Variants in ESD observed in about 807,000 individuals in gnomAD.
ESD encodes esterase D.
Under a neutral mutation model 38.1 loss-of-function variants are expected in ESD, and 34 were observed. The observed-to-expected ratio is 0.89, with a 90% CI of 0.68 to 1.19. ESD has a LOEUF of 1.19. ESD is among the 50% of genes most tolerant of loss of function. The pLI is 0.00. For missense variants in ESD, 334 were observed against 327.2 expected, an observed-to-expected ratio of 1.02 and a Z score of -0.16; for synonymous variants, 97 against 107.0, an observed-to-expected ratio of 0.91 and a Z score of 0.58.
chr13:46,788,840 A>C (rs1875290566), intron 3 of ESD, among the ~76,000 whole-genome samples: 1 of 152,040 alleles, frequency 6.6e-6, no homozygotes, highest in South Asian at 2.1e-4. Flanking sequence ...AAACTCCCCC[A>C]ACCCTGATTG....
intron 9 of ESD, among the ~76,000 whole-genome samples, chr13:46,772,431 C>T (rs1283524886): frequency 2.0e-5 from 3 of 152,132 alleles, no homozygotes; most frequent in Non-Finnish European, 4.4e-5. Flanking sequence ...CATTTTCCTT[C>T]TTTTTTTGTT....
chr13:46,792,982 C>T (rs1593412175), intron 2 of ESD, among the ~76,000 whole-genome samples: 1 of 152,020 alleles, frequency 6.6e-6, no homozygotes, highest in Non-Finnish European at 1.5e-5. Flanking sequence ...GAGTCTGTAT[C>T]TTTGCTATTC....
At chr13:46,776,060 C>A (rs959250985) in intron 9 of ESD, 12 of 176,552 alleles carry the variant, frequency 6.8e-5, no homozygotes, top group Admixed American at 2.3e-4. Context: ...TTGGAAAAAA[C>A]ATGGTTTGGT....
chr13:46,785,224 A>T (rs1219786151), intron 4 of ESD, among the ~76,000 whole-genome samples: 1 of 152,006 alleles, frequency 6.6e-6, no homozygotes, highest in Non-Finnish European at 1.5e-5. Flanking sequence ...TAATTCTTTT[A>T]CTATAGGTAT....
chr13:46,791,578 C>T (rs1438598714), intron 2 of ESD, among the ~76,000 whole-genome samples, 158 bp from the exon 3 acceptor site: 2 of 151,766 alleles, frequency 1.3e-5, no homozygotes, highest in Non-Finnish European at 1.5e-5. Context: ...TATTAAGAAA[C>T]TGATTAACGC....
chr13:46,787,891 T>C (rs1384839488), intron 3 of ESD, among the ~76,000 whole-genome samples: 1 of 151,978 alleles, frequency 6.6e-6, no homozygotes, highest in Non-Finnish European at 1.5e-5. Context: ...TTGATTTTTC[T>C]GGTATTTATG....
rs115265151 is a variant in ESD, at chr13:46,795,414, C to T, written c.-56+1691G>A. 2.6e-3 allele frequency among the ~76,000 whole-genome samples: 402 copies of T among 152,278 alleles called. 4 individuals are homozygous for T. The highest frequency in any genetic ancestry group is 9.1e-3 in the African/African-American group (379 of 41,550). ...ACATACATAATATTTACTATCTTAA[C>T]CATTCCTAAGTGTGTATTTCAGTAG... On this transcript the variant is annotated intron_variant, in intron 1 of 9. Transcript: ENST00000378720.
intron 1 of ESD, 124 bp downstream of exon 1, chr13:46,796,981 C>A (rs543393515): frequency 6.6e-6 from 1 of 152,422 alleles, no homozygotes; most frequent in Non-Finnish European, 1.5e-5. Flanking sequence ...GGGTCGCCGT[C>A]TCTGCGCTCG....
At chr13:46,785,317 G>T (rs1192381580) in intron 4 of ESD, among the ~76,000 whole-genome samples, 2 of 151,860 alleles carry the variant, frequency 1.3e-5, no homozygotes, top group African/African-American at 2.4e-5. Flanking sequence ...AGAGAGATTT[G>T]GTTTGTTTAT....
intron 9 of ESD, chr13:46,776,839 AT>A (rs1288727215): frequency 6.6e-6 from 1 of 152,000 alleles, no homozygotes; most frequent in African/African-American, 2.4e-5. Context: ...AAGCTTATGA[AT>A]TTTTCTTAAA....
chr13:46,773,943 G>T (rs1431681152), intron 9 of ESD, among the ~76,000 whole-genome samples: 1 of 152,112 alleles, frequency 6.6e-6, no homozygotes, highest in East Asian at 1.9e-4. Context: ...AACAGGCCTG[G>T]AGTTTTAGGC....
Position 46,782,741 on chromosome 13 carries a change from C to G in ESD, c.307G>C (p.Ala103Pro). 1 of 1,612,400 alleles carries G rather than the reference C, an allele frequency of 6.2e-7. No homozygotes were observed. The highest frequency in any genetic ancestry group is 8.5e-7 in the Non-Finnish European group (1 of 1,178,878). Residue 103 changes from alanine to proline, a missense_variant, in exon 6 of 10, where the codon GCT becomes CCT. Coordinates refer to ENST00000378720, the MANE Select transcript of ESD (RefSeq NM_001984.2). The stretch of plus-strand genomic sequence containing the variant: ...TCAGTGGCATCAACATAAAATCCAG[C>G]ACCAGTGCCAAAGTCCCAGCTCTCA... ...EDESWDFGTG[A>P]GFYVDATEDP...
At chr13:46,794,157 C>CAAAAAAAA (rs59985081) in intron 1 of ESD, among the ~76,000 whole-genome samples, 2 of 146,344 alleles carry the variant, frequency 1.4e-5, no homozygotes, top group African/African-American at 2.6e-5. Context: ...CCTTCCCCTC[C>CAAAAAAAA]AAAAAACAAC....
intron 1 of ESD, among the ~76,000 whole-genome samples, chr13:46,796,397 G>T (rs1875577562): frequency 1.3e-5 from 2 of 152,180 alleles, no homozygotes; most frequent in South Asian, 4.1e-4. Context: ...GTTAATTCAC[G>T]TAGTGCTTAA....
intron 3 of ESD, among the ~76,000 whole-genome samples, chr13:46,790,954 T>C (rs1875375461): frequency 6.6e-6 from 1 of 152,186 alleles, no homozygotes; most frequent in Non-Finnish European, 1.5e-5. Flanking sequence ...CTTAATGCCA[T>C]GTTAGTCAGA....
chr13:46,785,815 C>T (rs1362880673), intron 4 of ESD: 1 of 151,806 alleles, frequency 6.6e-6, no homozygotes, highest in Non-Finnish European at 1.5e-5. Context: ...AACTTAGGGC[C>T]CTATTATTAG....
At chr13:46,787,299 AATT>A (rs1875228122) in intron 3 of ESD, among the ~76,000 whole-genome samples, 190 bp from the exon 4 acceptor site, 4 of 152,014 alleles carry the variant, frequency 2.6e-5, no homozygotes, top group Non-Finnish European at 5.9e-5. Context: ...GAATGTGGTC[AATT>A]TAGCATACTG....
At chr13:46,784,795 A>G (rs1490554906) in intron 4 of ESD, among the ~76,000 whole-genome samples, 1 of 151,964 alleles carries the variant, frequency 6.6e-6, no homozygotes, top group Admixed American at 6.6e-5. Context: ...TCCCATAACT[A>G]TCCTTTTAAA....
Position 46,777,627 on chromosome 13 carries a change from TAA to T in ESD, c.601-6_601-5del. 6.3e-7 allele frequency: 1 copy of T among 1,590,638 alleles called. No individual in the cohort carries two copies. Among genetic ancestry groups the T allele is most frequent in the Middle Eastern group, 1.7e-4 (1 of 5,916 alleles). On this transcript the variant is annotated splice_polypyrimidine_tract_variant and splice_region_variant and intron_variant, in intron 8 of 9. Coordinates refer to ENST00000378720, the MANE Select transcript of ESD (RefSeq NM_001984.2). ...CAAGGTGGGTAGCATCATAAGCCTG[TAA>T]AAAGAGAAGTAACATTGAAAAATAA... is the stretch of plus-strand genomic sequence containing the variant.
Sources: allele counts gnomAD v4.1 joint callset (sites outside exome capture counted in the v4.1 genomes callset), GRCh38; gene constraint gnomAD v4.1.1; transcripts MANE v1.5; gene names NCBI Gene and HGNC (gene_info 2026-07-23, HGNC 2026-07-21).